Variants in RCBTB2 observed in about 807,000 individuals in gnomAD.
RCBTB2 encodes RCC1 and BTB domain-containing protein 2.
A neutral mutation model predicts 65.4 loss-of-function variants in RCBTB2; 55 were observed. That is an observed-to-expected ratio of 0.84 (90% confidence interval 0.68 to 1.05). The LOEUF is 1.05. Among genes scored for constraint, RCBTB2 ranks in the 50% least tolerant of loss-of-function variants. The pLI, the probability that RCBTB2 is intolerant of heterozygous loss-of-function variation, is 0.00. For synonymous variants in RCBTB2, 220 were observed against 255.2 expected, an observed-to-expected ratio of 0.86 and a Z score of 1.31; for missense variants, 599 against 680.1, an observed-to-expected ratio of 0.88 and a Z score of 1.33.
intron 14 of RCBTB2, among the ~76,000 whole-genome samples, chr13:48,493,324 CTCTCTCTCTCTCTCTCT>C (rs1949817489): frequency 8.0e-6 from 1 of 125,766 alleles, no homozygotes; most frequent in Middle Eastern, 4.1e-3. Flanking sequence ...CACTCTCTCT[CTCTCTCTCTCTCTCTCT>C]TCTCTTCTCT....
At chr13:48,499,142 A>ACACACACTCTCT (rs1366425462) in intron 13 of RCBTB2, among the ~76,000 whole-genome samples, 3 of 132,288 alleles carry the variant, frequency 2.3e-5, no homozygotes, top group African/African-American at 8.8e-5. Context: ...ACACACACAC[A>ACACACACTCTCT]CTCTCTCTCT....
At chr13:48,522,095 T>A in intron 3 of RCBTB2, 133 bp from the exon 4 acceptor site, 1 of 842,578 alleles carries the variant, frequency 1.2e-6, no homozygotes, top group Non-Finnish European at 1.9e-6. Flanking sequence ...ATAAAGGAAT[T>A]AAGCTTTAGG....
intron 2 of RCBTB2, among the ~76,000 whole-genome samples, chr13:48,522,682 A>G (rs1951494048): frequency 6.6e-6 from 1 of 152,228 alleles, no homozygotes; most frequent in Admixed American, 6.5e-5. Context: ...ATAAATAAAA[A>G]TAAAATATTC....
chr13:48,534,642 A>T (rs1952333579), upstream of RCBTB2, among the ~76,000 whole-genome samples: 2 of 152,238 alleles, frequency 1.3e-5, no homozygotes, highest in South Asian at 4.1e-4. Context: ...ACTTTAAAAT[A>T]TACCTATAAA....
intron 10 of RCBTB2, among the ~76,000 whole-genome samples, chr13:48,504,767 G>A (rs555020722): frequency 6.6e-6 from 1 of 152,208 alleles, no homozygotes; most frequent in Non-Finnish European, 1.5e-5. Context: ...CCACTGACAC[G>A]GGCTAGCACC....
At chr13:48,491,609 C>A (rs917214929) in intron 14 of RCBTB2, 1 of 152,222 alleles carries the variant, frequency 6.6e-6, no homozygotes, top group Non-Finnish European at 1.5e-5. Flanking sequence ...GATGCATCAT[C>A]TCTTTGGCTG....
At chr13:48,507,391 A>C (rs892451895) in intron 10 of RCBTB2, among the ~76,000 whole-genome samples, 1 of 152,266 alleles carries the variant, frequency 6.6e-6, no homozygotes, top group Admixed American at 6.5e-5. Context: ...GACATGCGAC[A>C]GACAATGACT....
intron 11 of RCBTB2, among the ~76,000 whole-genome samples, chr13:48,502,404 G>C (rs1950276756): frequency 6.6e-6 from 1 of 151,898 alleles, no homozygotes; most frequent in South Asian, 2.1e-4. Context: ...AAGGCAAAAG[G>C]ATCGCTTGAA....
Position 48,510,723 on chromosome 13 carries a change from C to G in RCBTB2, c.832G>C (p.Val278Leu), listed in dbSNP as rs778167782. 1.2e-6 allele frequency: 2 copies of G among 1,614,044 alleles called. No individual in the cohort carries two copies. The change falls in exon 10 of 15, where the codon GTG becomes CTG. Residue 278 changes from valine to leucine, a missense_variant. Transcript: ENST00000344532. ...HTLVLTDEGQVYAWGANSYGQ... is the reference protein window; with the variant it reads ...HTLVLTDEGQLYAWGANSYGQ... The stretch of plus-strand genomic sequence containing the variant: ...TAAGAATTGGCGCCCCAAGCATACA[C>G]TTGGCCTTCATCTGTTAATACTAAT...
intron 4 of RCBTB2, among the ~76,000 whole-genome samples, chr13:48,515,958 C>T (rs74074908): frequency 0.012 from 1,774 of 152,294 alleles, 29 homozygotes; most frequent in African/African-American, 0.04. Context: ...CCAGGTCTCC[C>T]CTACTCATTG....
intron 4 of RCBTB2, among the ~76,000 whole-genome samples, chr13:48,521,495 G>C (rs1313570031): frequency 2.0e-5 from 3 of 152,180 alleles, no homozygotes; most frequent in Non-Finnish European, 4.4e-5. Flanking sequence ...GATGAAGAAA[G>C]AAATTAAAGA....
chr13:48,505,582 G>A (rs1374444065), intron 10 of RCBTB2, among the ~76,000 whole-genome samples: 2 of 152,280 alleles, frequency 1.3e-5, no homozygotes, highest in Middle Eastern at 3.4e-3. Flanking sequence ...AGAGAAGTAC[G>A]TCCACTGTTA....
chr13:48,528,888 C>T (rs186109565), intron 1 of RCBTB2, among the ~76,000 whole-genome samples: 23 of 152,198 alleles, frequency 1.5e-4, no homozygotes, highest in Admixed American at 5.2e-4. Context: ...AGCACACAAC[C>T]TCAAAGGAAA....
At chr13:48,500,272 A>C (rs116068712) in intron 12 of RCBTB2, among the ~76,000 whole-genome samples, 1,570 of 152,252 alleles carry the variant, frequency 0.01, 28 homozygotes, top group African/African-American at 0.036. Context: ...AAAAAGGGGA[A>C]ATTTGGACAG....
At position 48,508,776 on chromosome 13, in the gene RCBTB2, C is replaced by T. The variant is rs117393257; in HGVS notation, c.926+1853G>A. Among the ~76,000 whole-genome samples the T allele has an allele frequency of 6.6e-3, 999 of 152,268 alleles. 19 individuals carry two copies. The highest frequency in any genetic ancestry group is 4.5e-3 in the Non-Finnish European group (307 of 68,012). On this transcript the variant is annotated intron_variant, in intron 10 of 14. Transcript: ENST00000344532. ...AGACAGAAATGCAATAGATAACTCCCAATGTCCAGTTAAGCAACTTGGCAC... is the reference window on the plus strand; with the variant it reads ...AGACAGAAATGCAATAGATAACTCCTAATGTCCAGTTAAGCAACTTGGCAC...
At position 48,515,240 on chromosome 13, in the gene RCBTB2, T is replaced by G. The variant is rs150840418; in HGVS notation, c.314A>C (p.Tyr105Ser). The G allele has an allele frequency of 5.9e-5, 95 of 1,614,054 alleles. No homozygotes were observed. The highest frequency in any genetic ancestry group is 7.9e-5 in the Non-Finnish European group (93 of 1,180,022). Residue 105 changes from tyrosine to serine, a missense_variant, in exon 6 of 15, where the codon TAT becomes TCT. By Grantham distance (144) the Tyr-to-Ser change is moderately radical. Transcript: ENST00000344532. ...LNGKKIACLS[Y>S]GSGPHIVLAT... ...AAGGACAATATGTGGACCACTCCCA[T>G]AGCTGAGGCAGGCTATTTTTTTGCC...
At chr13:48,501,905 C>A (rs1295699924) in intron 11 of RCBTB2, 37 bp from the exon 12 acceptor site, 7 of 1,603,608 alleles carry the variant, frequency 4.4e-6, no homozygotes, top group Middle Eastern at 3.3e-4. Context: ...GAGTTAGCTA[C>A]AGACATAATG....
chr13:48,496,329 A>T lies in RCBTB2; in HGVS notation c.1385-8T>A, dbSNP rs567595660. The stretch of plus-strand genomic sequence containing the variant: ...TAGCCAAGTCTAGCAGTCCTGGCGG[A>T]AAGAGGTGTTTATTAGGGGGAGTGA... On this transcript the variant is annotated splice_region_variant and splice_polypyrimidine_tract_variant and intron_variant, in intron 13 of 14. Coordinates refer to ENST00000344532, the MANE Select transcript of RCBTB2 (RefSeq NM_001268.4). The T allele has an allele frequency of 5.8e-5, 89 of 1,546,716 alleles. No homozygotes were observed. In the Middle Eastern group the frequency reaches 3.1e-3, roughly 54 times the overall value.
chr13:48,493,309 ACACACACTCT>A (rs1236782840), intron 14 of RCBTB2, among the ~76,000 whole-genome samples: 4 of 47,926 alleles, frequency 8.3e-5, no homozygotes, highest in African/African-American at 1.7e-4. Flanking sequence ...ACACACACAC[ACACACACTCT>A]CTCTCTCTCT....
Sources: allele counts gnomAD v4.1 joint callset (sites outside exome capture counted in the v4.1 genomes callset), GRCh38; gene constraint gnomAD v4.1.1; transcripts MANE v1.5; gene names NCBI Gene and HGNC (gene_info 2026-07-23, HGNC 2026-07-21).